Variants in PIK3AP1 observed in about 807,000 individuals in gnomAD.
PIK3AP1 encodes phosphoinositide 3-kinase adapter protein 1.
In PIK3AP1, 21 loss-of-function variants were observed where a neutral mutation model predicts 88.1. The observed-to-expected ratio is 0.24, with a 90% CI of 0.17 to 0.34. The LOEUF is 0.34. Among genes scored for constraint, PIK3AP1 ranks in the 10% least tolerant of loss-of-function variants. The probability of loss-of-function intolerance (pLI) is 1.00; values close to 1 mark genes in which losing one functional copy is unlikely to be tolerated. For synonymous variants in PIK3AP1, 398 were observed against 400.0 expected (o/e 1.00, Z 0.06); for missense variants, 828 against 1,035.7 (o/e 0.80, Z 2.75).
intron 8 of PIK3AP1, among the ~76,000 whole-genome samples, chr10:96,629,145 A>G (rs1183855934): frequency 6.6e-6 from 1 of 152,006 alleles, no homozygotes; most frequent in East Asian, 1.9e-4. Flanking sequence ...AGCTATTTCT[A>G]TCAACATAGT....
At chr10:96,690,129 G>A (rs1267786510) in intron 2 of PIK3AP1, among the ~76,000 whole-genome samples, 3 of 152,184 alleles carry the variant, frequency 2.0e-5, no homozygotes, top group East Asian at 1.9e-4. Flanking sequence ...TATCTCCTTG[G>A]TATTTTCTTC....
chr10:96,689,286 C>T (rs1473998153), intron 2 of PIK3AP1, among the ~76,000 whole-genome samples: 7 of 151,678 alleles, frequency 4.6e-5, no homozygotes, highest in South Asian at 2.1e-4. Flanking sequence ...CCCTCCTGGC[C>T]GGGTGTGGTG....
chr10:96,673,506 G>A (rs1490939815), intron 2 of PIK3AP1, among the ~76,000 whole-genome samples: 3 of 151,856 alleles, frequency 2.0e-5, no homozygotes, highest in Non-Finnish European at 2.9e-5. Context: ...AGCCCCCCCC[G>A]AAAGGCTTCC....
chr10:96,681,466 C>T (rs753054175), intron 2 of PIK3AP1, among the ~76,000 whole-genome samples: 18 of 152,324 alleles, frequency 1.2e-4, no homozygotes, highest in Non-Finnish European at 1.0e-4. Context: ...CCTCTAGACA[C>T]TCCCTCAAGG....
intron 2 of PIK3AP1, among the ~76,000 whole-genome samples, chr10:96,683,244 G>C (rs148028126): frequency 3.3e-4 from 50 of 152,328 alleles, no homozygotes; most frequent in Admixed American, 3.1e-3. Context: ...AATTCACCTA[G>C]TCATCCAAGA....
chr10:96,625,527 T>A (rs1843142694), intron 10 of PIK3AP1, among the ~76,000 whole-genome samples: 1 of 152,232 alleles, frequency 6.6e-6, no homozygotes, highest in African/African-American at 2.4e-5. Flanking sequence ...AACAAAAATG[T>A]GTGTACTATT....
In PIK3AP1 at chr10:96,626,726, C is replaced by T. The variant is rs3748233; in HGVS notation, c.1651G>A (p.Glu551Lys). 1.4e-3 allele frequency: 2,329 copies of T among 1,614,126 alleles called. 57 individuals carry two copies. The East Asian group carries it at 0.039, about 27-fold the overall frequency. ...APGAHQLPDN[E>K]PYIFKVFAEK... Reference sequence around the variant, plus strand: ...TACTTGCCTTTAAAAATGTATGGTTCGTTGTCAGGCAGCTGGTGAGCACCA... The same window carrying T: ...TACTTGCCTTTAAAAATGTATGGTTTGTTGTCAGGCAGCTGGTGAGCACCA... The change falls in exon 10 of 17, where the codon GAA (glutamate) becomes AAA (lysine). Residue 551 changes from glutamate (E) to lysine (K), a missense_variant. By Grantham distance (56) the Glu-to-Lys change is moderately conservative (BLOSUM62 1). Around this residue, in one of 3 missense-constraint regions of PIK3AP1, gnomAD observed 610 missense variants for 760.1 expected, o/e 0.80. Transcript: ENST00000339364.
intron 10 of PIK3AP1, among the ~76,000 whole-genome samples, chr10:96,626,484 A>G (rs552671019): frequency 6.6e-6 from 1 of 152,338 alleles, no homozygotes; most frequent in Non-Finnish European, 1.5e-5. Context: ...TGCCTTTGCA[A>G]CTGTGCGTAA....
At chr10:96,650,429 T>G (rs4919050) in intron 6 of PIK3AP1, among the ~76,000 whole-genome samples, 1 of 152,222 alleles carries the variant, frequency 6.6e-6, no homozygotes, top group Non-Finnish European at 1.5e-5. Flanking sequence ...TGTGACTCTC[T>G]CAGCTCCCAG....
At chr10:96,629,259 T>C (rs1843204732) in intron 8 of PIK3AP1, among the ~76,000 whole-genome samples, 1 of 152,054 alleles carries the variant, frequency 6.6e-6, no homozygotes, top group Non-Finnish European at 1.5e-5. Flanking sequence ...TAGTACAAAT[T>C]GTTTATGAAT....
intron 2 of PIK3AP1, among the ~76,000 whole-genome samples, chr10:96,661,159 A>C (rs910798604): frequency 6.6e-6 from 1 of 152,062 alleles, no homozygotes; most frequent in African/African-American, 2.4e-5. Context: ...ACTGCACTTC[A>C]GCCTGGGAAA....
intron 2 of PIK3AP1, among the ~76,000 whole-genome samples, chr10:96,676,753 C>T (rs989678036): frequency 2.0e-5 from 3 of 151,126 alleles, no homozygotes; most frequent in African/African-American, 7.3e-5. Context: ...TAATTAACAG[C>T]TTACAAAGCT....
intron 15 of PIK3AP1, among the ~76,000 whole-genome samples, chr10:96,603,387 A>T (rs1321242982): frequency 6.6e-6 from 1 of 152,106 alleles, no homozygotes; most frequent in Non-Finnish European, 1.5e-5. Flanking sequence ...GCCAAAGGAG[A>T]TTAACATTTG....
intron 2 of PIK3AP1, among the ~76,000 whole-genome samples, chr10:96,675,816 A>G (rs1379025703): frequency 6.6e-6 from 1 of 152,198 alleles, no homozygotes; most frequent in African/African-American, 2.4e-5. Context: ...TAATAACAAT[A>G]ATAATAATTT....
At chr10:96,638,928 A>G (rs1843349636) in intron 8 of PIK3AP1, among the ~76,000 whole-genome samples, 1 of 125,380 alleles carries the variant, frequency 8.0e-6, no homozygotes, top group Non-Finnish European at 1.7e-5. Flanking sequence ...TGATTTAAAC[A>G]CATGAGAGGT....
chr10:96,618,173 A>G (rs1843023221), intron 12 of PIK3AP1, among the ~76,000 whole-genome samples: 1 of 152,210 alleles, frequency 6.6e-6, no homozygotes, highest in African/African-American at 2.4e-5. Context: ...GCTATGCCCA[A>G]GAGTTCTGGA....
intron 2 of PIK3AP1, among the ~76,000 whole-genome samples, chr10:96,681,770 T>C (rs1392246535): frequency 2.0e-5 from 3 of 152,142 alleles, no homozygotes; most frequent in African/African-American, 2.4e-5. Flanking sequence ...ACTTAGGACA[T>C]GGGTAGCAGC....
In PIK3AP1 at chr10:96,648,840, T is replaced by C; in HGVS notation, c.1004A>G (p.Glu335Gly). Reference protein sequence around the residue: ...EDMMTNQRDEELPTLLHFAAK... With the variant: ...EDMMTNQRDEGLPTLLHFAAK... ...AGCAAAATGCAACAGGGTGGGCAGC[T>C]CTTCATCCCTCTGATCTGAAAATTA... Residue 335 changes from glutamate (E) to glycine (G), a missense_variant, in exon 7 of 17, where the codon GAG (glutamate) becomes GGG (glycine). By Grantham distance (98) the Glu-to-Gly change is moderately conservative (BLOSUM62 -2). Around this residue, in one of 3 missense-constraint regions of PIK3AP1, gnomAD observed 610 missense variants for 760.1 expected, o/e 0.80. Coordinates refer to ENST00000339364, the MANE Select transcript of PIK3AP1 (RefSeq NM_152309.3). 1 of 1,578,972 alleles carries C rather than the reference T, an allele frequency of 6.3e-7. No individual in the cohort carries two copies. Among genetic ancestry groups the C allele is most frequent in the Non-Finnish European group, 8.6e-7 (1 of 1,164,864 alleles).
intron 8 of PIK3AP1, 119 bp from the exon 9 acceptor site, chr10:96,628,612 T>A: frequency 1.2e-6 from 1 of 818,108 alleles, no homozygotes; most frequent in Non-Finnish European, 2.0e-6. Flanking sequence ...TTCATCAATC[T>A]ATCCATCCCT....
Sources: gnomAD v4.1 joint callset for allele counts (sites outside exome capture counted in the v4.1 genomes callset) on GRCh38, gnomAD v4.1.1 for gene constraint, gnomAD v4.1.1 regional missense constraint, MANE v1.5 for transcripts, NCBI Gene and HGNC (gene_info 2026-07-23, HGNC 2026-07-21) for gene names.